The following WSB2 variants were observed in gnomAD, a reference collection of about 807,000 sequenced individuals.
WSB2 encodes the protein WD repeat and SOCS box-containing protein 2.
Under a neutral mutation model 48.8 loss-of-function variants are expected in WSB2, and 12 were observed. That is an observed-to-expected ratio of 0.25 (90% CI 0.16 to 0.40). The LOEUF (loss-of-function observed/expected upper bound fraction) is 0.40. WSB2 is among the 10% of genes least tolerant of loss of function. WSB2 has a pLI of 1.00. For synonymous variants in WSB2, 191 were observed against 203.1 expected, an observed-to-expected ratio of 0.94 and a Z score of 0.51; for missense variants, 317 against 506.2, an observed-to-expected ratio of 0.63 and a Z score of 3.59.
intron 1 of WSB2, among the ~76,000 whole-genome samples, chr12:118,058,993 A>C (rs10774977): frequency 6.6e-6 from 1 of 151,838 alleles, no homozygotes; most frequent in Non-Finnish European, 1.5e-5. Flanking sequence ...ACCCCGGCGC[A>C]TTTGGTTGAT....
chr12:118,042,121 C>T (rs1411575873), intron 4 of WSB2, among the ~76,000 whole-genome samples: 2 of 152,168 alleles, frequency 1.3e-5, no homozygotes, highest in South Asian at 2.1e-4. Context: ...TGGGCCACCC[C>T]TGTATATAGT....
At chr12:118,034,480 C>T in intron 8 of WSB2, 122 bp from the exon 9 acceptor site, 5 of 1,186,356 alleles carry the variant, frequency 4.2e-6, no homozygotes, top group Non-Finnish European at 5.9e-6. Context: ...TGAAATGTAA[C>T]CCTGACTGTG....
At chr12:118,055,610 T>A (rs2031942781) in intron 1 of WSB2, among the ~76,000 whole-genome samples, 4 of 100,774 alleles carry the variant, frequency 4.0e-5, no homozygotes, top group Non-Finnish European at 6.4e-5. Context: ...CATTATCCTT[T>A]TTTTTTTTTT....
intron 1 of WSB2, among the ~76,000 whole-genome samples, chr12:118,057,228 T>C (rs2031973402): frequency 6.6e-6 from 1 of 152,058 alleles, no homozygotes; most frequent in South Asian, 2.1e-4. Context: ...GGTATGGTAC[T>C]TGTAGATCCT....
At chr12:118,042,035 C>T (rs532694041) in intron 4 of WSB2, among the ~76,000 whole-genome samples, 1 of 152,252 alleles carries the variant, frequency 6.6e-6, no homozygotes, top group East Asian at 1.9e-4. Flanking sequence ...GGATTACAGG[C>T]GTGAGCCACT....
At chr12:118,046,620 C>T (rs918649402) in intron 2 of WSB2, among the ~76,000 whole-genome samples, 1 of 152,220 alleles carries the variant, frequency 6.6e-6, no homozygotes, top group Non-Finnish European at 1.5e-5. Context: ...CCAGACCTGC[C>T]TGGCTCTGGC....
intron 2 of WSB2, among the ~76,000 whole-genome samples, chr12:118,051,642 G>A (rs1264722956): frequency 6.6e-6 from 1 of 152,124 alleles, no homozygotes; most frequent in Non-Finnish European, 1.5e-5. Flanking sequence ...AGGGGTACAG[G>A]GTTTCTTTCT....
rs1305434991 is a variant in WSB2, at chr12:118,034,039, T to C, written c.*157A>G. 13 of 965,632 alleles carry C rather than the reference T, an allele frequency of 1.3e-5. No individual in the cohort carries two copies. Among genetic ancestry groups the C allele is most frequent in the African/African-American group, 1.6e-5 (1 of 60,936 alleles). The allele number at this position is 965,632 out of a possible 1,614,324, so 59.8% of individuals were successfully genotyped here. A position where few individuals can be genotyped will look rare whatever the true frequency, so the allele number is the denominator to read the frequency against. ...CACATGCCAGGGAGAGAAAGATCCA[T>C]GACTAGTACACTGGAATCTGGTTTT... is the stretch of plus-strand genomic sequence containing the variant. On this transcript the variant is annotated 3_prime_UTR_variant, in exon 9 of 9. Coordinates refer to ENST00000315436, the MANE Select transcript of WSB2 (RefSeq NM_018639.5).
chr12:118,052,904 G>C (rs962772229), intron 1 of WSB2, among the ~76,000 whole-genome samples: 5 of 152,028 alleles, frequency 3.3e-5, no homozygotes, highest in African/African-American at 9.7e-5. Flanking sequence ...AAACTCAAAG[G>C]CTCCCTCTCA....
intron 2 of WSB2, among the ~76,000 whole-genome samples, chr12:118,047,635 A>G (rs11068788): frequency 0.23 from 34,766 of 152,108 alleles, 4,597 homozygotes; most frequent in African/African-American, 0.37. Context: ...ATCACTTGAG[A>G]CAAGGAGTTC....
At chr12:118,044,190 A>C (rs2031700354) in intron 2 of WSB2, among the ~76,000 whole-genome samples, 1 of 152,144 alleles carries the variant, frequency 6.6e-6, no homozygotes, top group African/African-American at 2.4e-5. Flanking sequence ...ACAGCCCTGC[A>C]ATGGGGTGAC....
At position 118,060,360 on chromosome 12, in the gene WSB2, T is replaced by G. The variant is rs1427865008; in HGVS notation, c.13+676A>C. The stretch of plus-strand genomic sequence containing the variant: ...GGCAAGGTCCCCACCCATCAGTGTA[T>G]CCTAAATTTGCCTGATCATACATGT... On this transcript the variant is annotated intron_variant, in intron 1 of 8. Transcript: ENST00000315436. This position sits in a 1 kb window ranked among gnomAD's most constrained non-coding sequence, Gnocchi z 4.1. Among the ~76,000 whole-genome samples, 2 of 152,078 alleles carry G rather than the reference T, an allele frequency of 1.3e-5. No homozygotes were observed. Among genetic ancestry groups the G allele is most frequent in the African/African-American group, 4.8e-5 (2 of 41,414 alleles).
At chr12:118,056,348 A>G (rs1409411828) in intron 1 of WSB2, among the ~76,000 whole-genome samples, 1 of 152,020 alleles carries the variant, frequency 6.6e-6, no homozygotes, top group Non-Finnish European at 1.5e-5. Context: ...ACTCTTATTC[A>G]GGTCTGGCTC....
intron 1 of WSB2, 98 bp from the exon 2 acceptor site, chr12:118,052,576 C>A: frequency 6.5e-7 from 1 of 1,542,186 alleles, no homozygotes; most frequent in South Asian, 1.2e-5. Flanking sequence ...AAGAGCCACA[C>A]TATCCATTCC....
intron 2 of WSB2, among the ~76,000 whole-genome samples, chr12:118,049,094 T>C (rs1224444326): frequency 2.6e-5 from 4 of 152,354 alleles, no homozygotes; most frequent in African/African-American, 9.6e-5. Context: ...CTATAGAATT[T>C]ATAATTCATA....
At chr12:118,048,080 C>T (rs763212396) in intron 2 of WSB2, among the ~76,000 whole-genome samples, 131 of 152,236 alleles carry the variant, frequency 8.6e-4, no homozygotes, top group African/African-American at 2.9e-3. Context: ...GCACCTGCCA[C>T]CACGCCAGGC....
chr12:118,062,030 G>C, upstream of WSB2: 1 of 1,461,020 alleles, frequency 6.8e-7, no homozygotes, highest in Non-Finnish European at 9.2e-7. Context: ...GTGAAAACCG[G>C]AGTGGGGGTG....
chr12:118,038,989 C>A (rs1459460501), intron 4 of WSB2, among the ~76,000 whole-genome samples: 4 of 152,148 alleles, frequency 2.6e-5, no homozygotes, highest in East Asian at 1.9e-4. Context: ...ATCAAAGGGA[C>A]CTTTGATAGC....
intron 1 of WSB2, among the ~76,000 whole-genome samples, chr12:118,058,990 C>T (rs146969934): frequency 8.5e-5 from 13 of 152,084 alleles, no homozygotes; most frequent in Admixed American, 2.6e-4. Context: ...GCCACCCCGG[C>T]GCATTTGGTT....
Sources: gnomAD v4.1 joint callset for allele counts (sites outside exome capture counted in the v4.1 genomes callset) on GRCh38, gnomAD v4.1.1 for gene constraint, Gnocchi (gnomAD v3.1) non-coding constraint, MANE v1.5 for transcripts, NCBI Gene and HGNC (gene_info 2026-07-23, HGNC 2026-07-21) for gene names.